SLC9A2: variants seen among roughly 807,000 people sequenced by gnomAD.
SLC9A2 encodes solute carrier family 9 member A2.
SLC9A2 carries 42 observed loss-of-function variants against 71.7 expected under a neutral mutation model. That is an observed-to-expected ratio of 0.59 (90% CI 0.46 to 0.76). SLC9A2 has a LOEUF of 0.76. Ranked by LOEUF, SLC9A2 falls within the 30% of genes least tolerant of loss-of-function variation. The probability of loss-of-function intolerance (pLI) is 0.00; values close to 1 mark genes in which losing one functional copy is unlikely to be tolerated. For synonymous variants in SLC9A2, 396 were observed against 392.5 expected (o/e 1.01, Z -0.10); for missense variants, 829 against 1,017.4 (o/e 0.81, Z 2.52).
At chr2:102,682,859 T>C (rs950055249) in intron 3 of SLC9A2, among the ~76,000 whole-genome samples, 1 of 152,226 alleles carries the variant, frequency 6.6e-6, no homozygotes, top group Non-Finnish European at 1.5e-5. Flanking sequence ...AGAATCCTTT[T>C]AGATAATAGA....
intron 1 of SLC9A2, among the ~76,000 whole-genome samples, chr2:102,624,788 A>G (rs1676212890): frequency 6.6e-6 from 1 of 152,156 alleles, no homozygotes; most frequent in Non-Finnish European, 1.5e-5. Context: ...TAAATAAATT[A>G]TATTCTTATA....
intron 7 of SLC9A2, 39 bp downstream of exon 7, chr2:102,695,152 A>C (rs1257326145): frequency 1.4e-6 from 2 of 1,421,198 alleles, no homozygotes; most frequent in Admixed American, 1.8e-5. Flanking sequence ...GAAGTGGCCC[A>C]GGGTCATTCT....
Position 102,620,043 on chromosome 2 carries a change from G to A in SLC9A2, c.195G>A (p.Glu65=), listed in dbSNP as rs766038771. 3.1e-6 allele frequency: 5 copies of A among 1,614,004 alleles called. No homozygotes were observed. The highest frequency in any genetic ancestry group is 4.2e-6 in the Non-Finnish European group (5 of 1,180,024). ...VVAPGTTLFE[E]SRLPVFTLDY... The stretch of plus-strand genomic sequence containing the variant: ...CTCCCGGAACGACGCTGTTCGAGGA[G>A]AGCCGGCTGCCTGTGTTTACGCTGG... The change falls in exon 1 of 12, where the codon GAG becomes GAA. Residue 65 remains glutamate, a synonymous_variant. Transcript: ENST00000233969.
rs144180506 is a variant in SLC9A2 at position 102,642,759 on chromosome 2, C to T, written c.290-14805C>T. 5.9e-3 allele frequency among the ~76,000 whole-genome samples: 902 copies of T among 152,258 alleles called. 2 individuals are homozygous for T. The highest frequency in any genetic ancestry group is 6.7e-3 in the Non-Finnish European group (453 of 68,000). The stretch of plus-strand genomic sequence containing the variant: ...AATTGCTTTTATTTTGTAGAATTCA[C>T]TAGAGAAACTATATGGACCTGGAGA... On this transcript the variant is annotated intron_variant, in intron 1 of 11. Coordinates refer to ENST00000233969, the MANE Select transcript of SLC9A2 (RefSeq NM_003048.6).
At chr2:102,661,260 A>G (rs567354675) in intron 2 of SLC9A2, among the ~76,000 whole-genome samples, 16 of 152,360 alleles carry the variant, frequency 1.1e-4, no homozygotes, top group African/African-American at 3.8e-4. Flanking sequence ...AAATTTTCCG[A>G]GAAGACTTAA....
chr2:102,684,540 G>A (rs1463897574), intron 5 of SLC9A2, among the ~76,000 whole-genome samples: 1 of 152,188 alleles, frequency 6.6e-6, no homozygotes, highest in Admixed American at 6.5e-5. Context: ...CCTACACAGA[G>A]AAATTATTAT....
At chr2:102,707,300 TTTA>T (rs199700074) in intron 11 of SLC9A2, among the ~76,000 whole-genome samples, 21,782 of 92,334 alleles carry the variant, frequency 0.24, 1,680 homozygotes, top group East Asian at 0.26. Flanking sequence ...CCCCTCTTTT[TTTA>T]TTTTTTTTTT....
intron 1 of SLC9A2, 107 bp downstream of exon 1, chr2:102,620,244 G>A: frequency 1.0e-6 from 1 of 960,686 alleles, no homozygotes. Context: ...GCCTCATCTT[G>A]AATCAGGGCA....
intron 2 of SLC9A2, among the ~76,000 whole-genome samples, chr2:102,660,690 T>G (rs531954005): frequency 6.6e-6 from 1 of 152,202 alleles, no homozygotes; most frequent in South Asian, 2.1e-4. Context: ...GGAAAGGTAT[T>G]AAAAATATGG....
At chr2:102,688,328 T>C (rs1489971830) in intron 5 of SLC9A2, among the ~76,000 whole-genome samples, 2 of 152,130 alleles carry the variant, frequency 1.3e-5, no homozygotes. Flanking sequence ...AGCTGTAAAA[T>C]CTAGACAATG....
chr2:102,665,376 T>G, intron 3 of SLC9A2, 26 bp downstream of exon 3: 1 of 1,591,832 alleles, frequency 6.3e-7, no homozygotes, highest in Admixed American at 1.7e-5. Flanking sequence ...TTAAAAGTGC[T>G]CGATGATGGC....
chr2:102,684,332 T>A lies in SLC9A2; in HGVS notation c.1421T>A (p.Ile474Asn). Reference protein sequence around the residue: ...AIVVIFFTVFILGITIRPLVE... With the variant: ...AIVVIFFTVFNLGITIRPLVE... ...GTTGTCATATTCTTTACTGTCTTCA[T>A]TCTGGTAAGTAGAGTGATCCCTTTA... The change falls in exon 5 of 12, where the codon ATT becomes AAT. Residue 474 changes from isoleucine (I) to asparagine (N), a missense_variant. By Grantham distance (149) the Ile-to-Asn change is moderately radical. Coordinates refer to ENST00000233969, the MANE Select transcript of SLC9A2 (RefSeq NM_003048.6). 6.2e-7 allele frequency: 1 copy of A among 1,613,314 alleles called. No individual in the cohort carries two copies. Among genetic ancestry groups the A allele is most frequent in the South Asian group, 1.1e-5 (1 of 91,072 alleles).
intron 6 of SLC9A2, among the ~76,000 whole-genome samples, chr2:102,694,773 T>C (rs1459899602): frequency 6.6e-6 from 1 of 152,222 alleles, no homozygotes; most frequent in African/African-American, 2.4e-5. Flanking sequence ...ATGTTCCTAC[T>C]GGGAAATTAT....
intron 1 of SLC9A2, among the ~76,000 whole-genome samples, chr2:102,650,069 C>A (rs1676801545): frequency 6.6e-6 from 1 of 152,174 alleles, no homozygotes; most frequent in South Asian, 2.1e-4. Context: ...TTCCAACCAA[C>A]CAAAATGCCC....
At chr2:102,623,840 G>A (rs895968961) in intron 1 of SLC9A2, among the ~76,000 whole-genome samples, 4 of 152,164 alleles carry the variant, frequency 2.6e-5, no homozygotes, top group Non-Finnish European at 5.9e-5. Context: ...GCTGTCCAAA[G>A]TGGAGGATCC....
intron 3 of SLC9A2, among the ~76,000 whole-genome samples, chr2:102,672,745 G>C (rs1371734001): frequency 6.6e-6 from 1 of 152,088 alleles, no homozygotes; most frequent in Non-Finnish European, 1.5e-5. Context: ...GCTGCTGCAG[G>C]AATGAGCAGC....
At chr2:102,707,199 AC>A (rs1469422666) in intron 11 of SLC9A2, among the ~76,000 whole-genome samples, 3 of 151,996 alleles carry the variant, frequency 2.0e-5, no homozygotes, top group Non-Finnish European at 4.4e-5. Context: ...AAACATTAGC[AC>A]CATGCAATAT....
At chr2:102,685,640 C>T (rs994467703) in intron 5 of SLC9A2, among the ~76,000 whole-genome samples, 1 of 150,150 alleles carries the variant, frequency 6.7e-6, no homozygotes, top group African/African-American at 2.5e-5. Flanking sequence ...GGGAAAGAGG[C>T]ATCACTCATG....
chr2:102,646,489 T>C (rs1676725434), intron 1 of SLC9A2, among the ~76,000 whole-genome samples: 1 of 152,050 alleles, frequency 6.6e-6, no homozygotes, highest in African/African-American at 2.4e-5. Context: ...AATGCCCCAA[T>C]TAAAAGACAC....
Sources: allele counts gnomAD v4.1 joint callset (sites outside exome capture counted in the v4.1 genomes callset), GRCh38; gene constraint gnomAD v4.1.1; transcripts MANE v1.5; gene names NCBI Gene and HGNC (gene_info 2026-07-23, HGNC 2026-07-21).